TRIM24: variants seen among roughly 807,000 people sequenced by gnomAD.
TRIM24 encodes tripartite motif containing 24, also known as transcription intermediary factor 1-alpha.
In TRIM24, 29 loss-of-function variants were observed where a neutral mutation model predicts 123.9. The ratio of observed to expected loss-of-function variants is 0.23; its 90% confidence interval spans 0.17 to 0.32. The LOEUF is 0.32. Ranked by LOEUF, TRIM24 falls within the 10% of genes least tolerant of loss-of-function variation. The pLI, the probability that TRIM24 is intolerant of heterozygous loss-of-function variation, is 1.00. For missense variants in TRIM24, 932 were observed against 1,295.3 expected, an observed-to-expected ratio of 0.72 and a Z score of 4.31; for synonymous variants, 456 against 461.1, an observed-to-expected ratio of 0.99 and a Z score of 0.14.
At chr7:138,547,286 A>C (rs1427686108) in intron 7 of TRIM24, among the ~76,000 whole-genome samples, 1 of 152,184 alleles carries the variant, frequency 6.6e-6, no homozygotes, top group African/African-American at 2.4e-5. Context: ...GCAAAATTTC[A>C]ATTAGATAGG....
intron 1 of TRIM24, among the ~76,000 whole-genome samples, chr7:138,489,434 T>C (rs973493313): frequency 6.6e-6 from 1 of 152,234 alleles, no homozygotes; most frequent in African/African-American, 2.4e-5. Context: ...TGCAGTTTCT[T>C]CCTAGCATCG....
chr7:138,463,079 G>A (rs1409222693), intron 1 of TRIM24, among the ~76,000 whole-genome samples: 1 of 141,666 alleles, frequency 7.1e-6, no homozygotes, highest in African/African-American at 2.6e-5. Context: ...TGGTAGAGGC[G>A]GGGTTACTCC....
In TRIM24 at chr7:138,559,527, G is replaced by A. The variant is rs556753579; in HGVS notation, c.1530+4561G>A. Among the ~76,000 whole-genome samples the A allele has an allele frequency of 5.9e-5, 9 of 152,294 alleles. No homozygotes were observed. The South Asian group carries it at 1.0e-3, about 18-fold the overall frequency. ...CATTTACTTCCCTGATGGTGCTCAC[G>A]CTTCAGCCGTGCATAGACTAGTCAG... On this transcript the variant is annotated intron_variant, in intron 9 of 18. Transcript: ENST00000343526.
intron 11 of TRIM24, among the ~76,000 whole-genome samples, chr7:138,572,821 C>G (rs530069987): frequency 3.3e-5 from 5 of 152,192 alleles, no homozygotes; most frequent in African/African-American, 1.2e-4. Context: ...TAAACTCTTA[C>G]TCATTAGGGA....
intron 1 of TRIM24, among the ~76,000 whole-genome samples, chr7:138,484,812 G>T (rs1048847564): frequency 6.6e-6 from 1 of 152,058 alleles, no homozygotes; most frequent in Non-Finnish European, 1.5e-5. Flanking sequence ...TAGCAGTCAG[G>T]GACTGGGCCT....
intron 1 of TRIM24, among the ~76,000 whole-genome samples, chr7:138,503,956 C>A (rs563452210): frequency 3.9e-5 from 6 of 152,132 alleles, no homozygotes; most frequent in Non-Finnish European, 8.8e-5. Flanking sequence ...GCTCCTTGTT[C>A]TTTTGAAAAT....
At chr7:138,483,515 G>A (rs1170584900) in intron 1 of TRIM24, among the ~76,000 whole-genome samples, 1 of 152,184 alleles carries the variant, frequency 6.6e-6, no homozygotes, top group African/African-American at 2.4e-5. Flanking sequence ...GAAGTTTGCT[G>A]TAGGATTTTA....
At chr7:138,488,656 T>A (rs1195791657) in intron 1 of TRIM24, among the ~76,000 whole-genome samples, 1 of 152,200 alleles carries the variant, frequency 6.6e-6, no homozygotes, top group Non-Finnish European at 1.5e-5. Context: ...AGTTGTGCGG[T>A]TTTAAGTGAG....
chr7:138,532,550 C>T (rs1194191641), intron 6 of TRIM24, among the ~76,000 whole-genome samples: 6 of 152,150 alleles, frequency 3.9e-5, no homozygotes. Context: ...TCTGAGGGCT[C>T]TGTTCTGTTC....
intron 1 of TRIM24, among the ~76,000 whole-genome samples, chr7:138,497,839 C>A (rs561689315): frequency 4.0e-5 from 6 of 150,334 alleles, no homozygotes; most frequent in Non-Finnish European, 8.9e-5. Flanking sequence ...TACAGGCACA[C>A]GCCACCATAC....
At position 138,558,038 on chromosome 7, in the gene TRIM24, T is replaced by C. The variant is rs560654911; in HGVS notation, c.1530+3072T>C. On this transcript the variant is annotated intron_variant, in intron 9 of 18. Transcript: ENST00000343526. ...CATCATAAACAGGGTATCCTAAGGC[T>C]TCTCCTTGCCTTAGAGGGATTAGGC... Among the ~76,000 whole-genome samples, 12 of 152,308 alleles carry C rather than the reference T, an allele frequency of 7.9e-5. No homozygotes were observed. In the East Asian group the frequency reaches 1.7e-3, roughly 22 times the overall value.
chr7:138,478,766 A>C (rs1371166695), intron 1 of TRIM24, among the ~76,000 whole-genome samples: 1 of 152,230 alleles, frequency 6.6e-6, no homozygotes, highest in East Asian at 1.9e-4. Flanking sequence ...GCATCAAGAC[A>C]GTAGAAAGTA....
chr7:138,493,978 G>GTTA (rs111250033), intron 1 of TRIM24, among the ~76,000 whole-genome samples: 84 of 151,514 alleles, frequency 5.5e-4, no homozygotes, highest in Middle Eastern at 3.4e-3. Context: ...TGTTGTTGTT[G>GTTA]TTATTATTAT....
At chr7:138,540,529 A>G (rs1015230549) in intron 7 of TRIM24, among the ~76,000 whole-genome samples, 22 of 152,342 alleles carry the variant, frequency 1.4e-4, no homozygotes, top group African/African-American at 5.0e-4. Flanking sequence ...AAGTTTGATC[A>G]TAGGATTGCA....
chr7:138,519,523 C>T lies in TRIM24; in HGVS notation c.764+202C>T, dbSNP rs560654533. On this transcript the variant is annotated intron_variant, in intron 4 of 18. Coordinates refer to ENST00000343526, the MANE Select transcript of TRIM24 (RefSeq NM_015905.3). Reference sequence around the variant, plus strand: ...CTTTATTGTTGAGGACTGATCTGTGCATTATATGGTGGTCAGCATCCTTGA... The same window carrying T: ...CTTTATTGTTGAGGACTGATCTGTGTATTATATGGTGGTCAGCATCCTTGA... Among the ~76,000 whole-genome samples, 90 of 152,224 alleles carry T rather than the reference C, an allele frequency of 5.9e-4. 1 individual carries two copies. The highest frequency in any genetic ancestry group is 9.6e-4 in the Non-Finnish European group (65 of 68,016).
chr7:138,581,921 G>T, intron 17 of TRIM24, 150 bp downstream of exon 17: 2 of 555,812 alleles, frequency 3.6e-6, no homozygotes, highest in Non-Finnish European at 6.1e-6. Flanking sequence ...TTGATCCTAT[G>T]TAGGTACATT....
At chr7:138,578,707 A>G (rs28714460) in intron 14 of TRIM24, among the ~76,000 whole-genome samples, 2,618 of 152,324 alleles carry the variant, frequency 0.017, 65 homozygotes, top group African/African-American at 0.059. Flanking sequence ...TAAACAGCAG[A>G]AGAAAAAGCT....
chr7:138,583,728 T>C (rs1464352051), intron 17 of TRIM24, 122 bp from the exon 18 acceptor site: 1 of 725,804 alleles, frequency 1.4e-6, no homozygotes, highest in African/African-American at 1.8e-5. Flanking sequence ...TCTTTACTAA[T>C]GGCAAATAGC....
intron 7 of TRIM24, among the ~76,000 whole-genome samples, chr7:138,546,191 A>G (rs1797098908): frequency 6.6e-6 from 1 of 152,174 alleles, no homozygotes; most frequent in African/African-American, 2.4e-5. Flanking sequence ...TGACAAGTTG[A>G]CATCCTACGT....
Sources: allele counts gnomAD v4.1 joint callset (sites outside exome capture counted in the v4.1 genomes callset), GRCh38; gene constraint gnomAD v4.1.1; transcripts MANE v1.5; gene names NCBI Gene and HGNC (gene_info 2026-07-23, HGNC 2026-07-21).